Variants in DZIP1 observed in about 807,000 individuals in gnomAD.
DZIP1 encodes DAZ interacting zinc finger protein 1, also known as cilium assembly protein DZIP1.
DZIP1 carries 97 observed loss-of-function variants against 107.6 expected under a neutral mutation model. The ratio of observed to expected loss-of-function variants is 0.90; its 90% CI spans 0.77 to 1.07. DZIP1 has a LOEUF of 1.07. Among genes scored for constraint, DZIP1 ranks in the 50% least tolerant of loss-of-function variants. The pLI is 0.00. For synonymous variants in DZIP1, 390 were observed against 386.4 expected, an observed-to-expected ratio of 1.01 and a Z score of -0.11; for missense variants, 1,035 against 1,063.6, an observed-to-expected ratio of 0.97 and a Z score of 0.37.
chr13:95,604,921 G>C lies in DZIP1; in HGVS notation c.1477+1082C>G, dbSNP rs552792381. Among the ~76,000 whole-genome samples the C allele has an allele frequency of 1.2e-4, 18 of 152,230 alleles. No individual in the cohort carries two copies. The South Asian group carries it at 3.3e-3, about 28-fold the overall frequency. The stretch of plus-strand genomic sequence containing the variant: ...TCAATATTAAAGCAAATTTATTTAT[G>C]TCCAGTGTGCTTTTATCTGTTACTG... On this transcript the variant is annotated intron_variant, in intron 14 of 22. Transcript: ENST00000376829.
rs541159427 is a variant in DZIP1 at position 95,630,860 on chromosome 13, G to A, written c.686-747C>T. 2.8e-5 allele frequency: 18 copies of A among 643,668 alleles called. No individual in the cohort carries two copies. In the East Asian group the frequency reaches 4.7e-4, roughly 17 times the overall value. The allele number at this position is 643,668 out of a possible 1,614,324, so 39.9% of individuals were successfully genotyped here. ...CAGAGTCTGAAACCCTCTCTGAAAC[G>A]AGTATGAGTTAGAATAAGATACTGA... On this transcript the variant is annotated intron_variant, in intron 6 of 22. Transcript: ENST00000376829.
In DZIP1 at chr13:95,589,722, A is replaced by G. The variant is rs2044260233; in HGVS notation, c.1973+81T>C. 1.1e-5 allele frequency: 16 copies of G among 1,510,820 alleles called. No homozygotes were observed. The South Asian group carries it at 1.9e-4, about 18-fold the overall frequency. The allele number at this position is 1,510,820 out of a possible 1,614,324, so 93.6% of individuals were successfully genotyped here. A position where few individuals can be genotyped will look rare whatever the true frequency, so the allele number is the denominator to read the frequency against. Reference sequence around the variant, plus strand: ...GGAGAAAATAAATTTCTGTGAAGCCACCCAGTCTATGGTATTTTGTTAAAG... The same window carrying G: ...GGAGAAAATAAATTTCTGTGAAGCCGCCCAGTCTATGGTATTTTGTTAAAG... On this transcript the variant is annotated intron_variant, in intron 18 of 22. Coordinates refer to ENST00000376829, the MANE Select transcript of DZIP1 (RefSeq NM_198968.4).
At chr13:95,633,398 C>T in intron 5 of DZIP1, 77 bp from the exon 6 acceptor site, 1 of 1,281,370 alleles carries the variant, frequency 7.8e-7, no homozygotes, top group Non-Finnish European at 1.1e-6. Context: ...AATTCAGGTA[C>T]CTGGCCAGGC....
intron 14 of DZIP1, 81 bp downstream of exon 14, chr13:95,605,922 C>T: frequency 7.2e-7 from 1 of 1,386,198 alleles, no homozygotes; most frequent in South Asian, 1.2e-5. Flanking sequence ...ATTACCTCCA[C>T]ATAATCACTT....
In DZIP1 at chr13:95,612,171, A is replaced by AC. The variant is rs779973652; in HGVS notation, c.1179dup (p.Ser394ValfsTer13). On this transcript the variant is annotated frameshift_variant, in exon 11 of 23. Coordinates refer to ENST00000376829, the MANE Select transcript of DZIP1 (RefSeq NM_198968.4). LOFTEE classifies it high-confidence loss of function. ...GAGGTTCGAAGTTTCTCTATATGTG[A>AC]CAGGAGCTGAAAAAAAGTTAAGAAA... is the stretch of plus-strand genomic sequence containing the variant. The AC allele has an allele frequency of 1.2e-6, 2 of 1,608,296 alleles. No homozygotes were observed. Among genetic ancestry groups the AC allele is most frequent in the Admixed American group, 3.4e-5 (2 of 59,178 alleles).
intron 17 of DZIP1, 78 bp from the exon 18 acceptor site, chr13:95,590,010 C>A: frequency 1.3e-6 from 2 of 1,503,464 alleles, no homozygotes; most frequent in South Asian, 1.3e-5. Context: ...CGGTATAATA[C>A]CCCCTATGCT....
chr13:95,598,322 C>T (rs903439158), intron 15 of DZIP1, among the ~76,000 whole-genome samples: 6 of 151,970 alleles, frequency 3.9e-5, no homozygotes, highest in Admixed American at 2.6e-4. Flanking sequence ...AACATCAAGA[C>T]AAATTACAAA....
intron 6 of DZIP1, among the ~76,000 whole-genome samples, chr13:95,630,372 G>C (rs1247836172): frequency 6.6e-6 from 1 of 152,096 alleles, no homozygotes; most frequent in Non-Finnish European, 1.5e-5. Flanking sequence ...ATACATGAGA[G>C]CCCTCTTCAG....
At chr13:95,586,256 A>G (rs1169231101) in intron 20 of DZIP1, 120 bp from the exon 21 acceptor site, 1 of 783,350 alleles carries the variant, frequency 1.3e-6, no homozygotes, top group East Asian at 3.2e-5. Flanking sequence ...ATTATGTATT[A>G]TTAAAATAAA....
chr13:95,630,913 C>T (rs577661419), intron 6 of DZIP1: 22 of 361,088 alleles, frequency 6.1e-5, no homozygotes, highest in East Asian at 1.9e-4. Flanking sequence ...GTCAGTTTCA[C>T]GCTGAAGAAT....
At chr13:95,588,323 C>A (rs1456215951) in intron 19 of DZIP1, among the ~76,000 whole-genome samples, 1 of 152,122 alleles carries the variant, frequency 6.6e-6, no homozygotes. Flanking sequence ...TATGAGATTA[C>A]GTATAAGAAA....
chr13:95,581,796 C>T lies in DZIP1; in HGVS notation c.*438G>A, dbSNP rs1306016499. 6.6e-6 allele frequency: 1 copy of T among 152,432 alleles called. No homozygotes were observed. The highest frequency in any genetic ancestry group is 1.5e-5 in the Non-Finnish European group (1 of 68,322). The allele number at this position is 152,432 out of a possible 1,614,324, so 9.4% of individuals were successfully genotyped here. On this transcript the variant is annotated 3_prime_UTR_variant, in exon 23 of 23. Transcript: ENST00000376829. ...TGGTTCCACCAATTCAATTTTAAGACTACTAACAGAATTTTATAATATAAA... is the reference window on the plus strand; with the variant it reads ...TGGTTCCACCAATTCAATTTTAAGATTACTAACAGAATTTTATAATATAAA...
At chr13:95,618,065 A>G in intron 10 of DZIP1, 1 of 517,844 alleles carries the variant, frequency 1.9e-6, no homozygotes, top group Non-Finnish European at 3.9e-6. Context: ...CCTGATCTGG[A>G]ACTCAGAAGA....
rs1373761373 is a variant in DZIP1, at chr13:95,612,061, C to T, written c.1290G>A (p.Glu430=). ...ELGQRLQEQN[E]LIITQRQQIK... The stretch of plus-strand genomic sequence containing the variant: ...CCTGCTGTCTCTGAGTTATAATCAG[C>T]TCATTCTGCTCCTGGAGTCTCTGCC... The change falls in exon 11 of 23, where the codon GAG becomes GAA. Residue 430 remains glutamate, a synonymous_variant. Transcript: ENST00000376829. The T allele has an allele frequency of 6.2e-7, 1 of 1,613,784 alleles. No individual in the cohort carries two copies.
chr13:95,586,055 G>T lies in DZIP1; in HGVS notation c.2300C>A (p.Thr767Asn), dbSNP rs1356698872. 1.2e-6 allele frequency: 2 copies of T among 1,610,206 alleles called. No individual in the cohort carries two copies. The highest frequency in any genetic ancestry group is 2.2e-5 in the East Asian group (1 of 44,636). Residue 767 changes from threonine (T) to asparagine (N), a missense_variant, in exon 21 of 23, where the codon ACT (threonine) becomes AAT (asparagine). Thr to Asn is a moderately conservative substitution (Grantham distance 65, BLOSUM62 0). Transcript: ENST00000376829. ...RKNVNKPVGG[T>N]NVPEMFIKKE... ...TTTGATAAACATCTCAGGGACATTA[G>T]TTCCACCGACTGGTTTGTTCACATT...
Position 95,641,704 on chromosome 13 carries a change from C to T in DZIP1, c.188G>A (p.Arg63Gln), listed in dbSNP as rs1878524886. 1.2e-6 allele frequency: 2 copies of T among 1,602,572 alleles called. No individual in the cohort carries two copies. The highest frequency in any genetic ancestry group is 2.2e-5 in the East Asian group (1 of 44,872). The change falls in exon 5 of 23, where the codon CGG becomes CAG. Residue 63 changes from arginine to glutamine, a missense_variant. Arg to Gln is a conservative substitution (Grantham distance 43). Transcript: ENST00000376829. The surrounding 1 kb of genome is among the most constrained non-coding windows in gnomAD (Gnocchi z 4.3). Reference sequence around the variant, plus strand: ...CCGCCGCCAGTCCACACTCTCCAGCCGCGGCCTGAACTGGAAGAAGGGCAG... The same window carrying T: ...CCGCCGCCAGTCCACACTCTCCAGCTGCGGCCTGAACTGGAAGAAGGGCAG... Reference protein sequence around the residue: ...GPLPFFQFRPRLESVDWRRLS... With the variant: ...GPLPFFQFRPQLESVDWRRLS...
At chr13:95,628,250 G>A (rs545512703) in intron 7 of DZIP1, among the ~76,000 whole-genome samples, 6 of 152,106 alleles carry the variant, frequency 3.9e-5, no homozygotes, top group South Asian at 4.1e-4. Context: ...ACCATGTTGC[G>A]CAGACTGGTC....
chr13:95,629,369 A>G (rs901463736), intron 7 of DZIP1, among the ~76,000 whole-genome samples: 5 of 152,222 alleles, frequency 3.3e-5, no homozygotes, highest in African/African-American at 9.6e-5. Flanking sequence ...ATCTCTGAAC[A>G]AGTCATTCCA....
chr13:95,614,319 G>A (rs960905700), intron 10 of DZIP1, among the ~76,000 whole-genome samples: 3 of 152,086 alleles, frequency 2.0e-5, no homozygotes, highest in African/African-American at 4.8e-5. Context: ...GCATTGTCAA[G>A]AGCTTTCACT....
Sources: gnomAD v4.1 joint callset for allele counts (sites outside exome capture counted in the v4.1 genomes callset) on GRCh38, gnomAD v4.1.1 for gene constraint, Gnocchi (gnomAD v3.1) non-coding constraint, MANE v1.5 for transcripts, NCBI Gene and HGNC (gene_info 2026-07-23, HGNC 2026-07-21) for gene names.